LHPP: variants seen among roughly 807,000 people sequenced by gnomAD.
LHPP encodes phospholysine phosphohistidine inorganic pyrophosphate phosphatase, also known as hLHPP.
A neutral mutation model predicts 30.3 loss-of-function variants in LHPP; 24 were observed. The observed-to-expected ratio is 0.79, with a 90% CI of 0.57 to 1.11. The LOEUF (loss-of-function observed/expected upper bound fraction) is 1.11, where lower values mean the gene tolerates loss of function less well. Among genes scored for constraint, LHPP ranks in the 50% most tolerant of loss-of-function variants. The pLI, the probability that LHPP is intolerant of heterozygous loss-of-function variation, is 0.00. For synonymous variants in LHPP, 150 were observed against 157.1 expected, an observed-to-expected ratio of 0.95 and a Z score of 0.34; for missense variants, 356 against 367.2, an observed-to-expected ratio of 0.97 and a Z score of 0.25.
intron 6 of LHPP, among the ~76,000 whole-genome samples, chr10:124,545,811 G>A (rs1278153669): frequency 1.3e-5 from 2 of 152,332 alleles, no homozygotes; most frequent in African/African-American, 4.8e-5. Flanking sequence ...TGTAAAGGCC[G>A]ACGCTGTCAT....
intron 1 of LHPP, among the ~76,000 whole-genome samples, chr10:124,481,656 C>G (rs1028632356): frequency 2.0e-5 from 3 of 152,010 alleles, no homozygotes; most frequent in Non-Finnish European, 4.4e-5. Flanking sequence ...GCTGGGGTTA[C>G]AGGACTGAGC....
chr10:124,554,234 G>A (rs1948246711), intron 6 of LHPP: 4 of 223,950 alleles, frequency 1.8e-5, no homozygotes, highest in South Asian at 1.6e-4. Context: ...CACCTAGGCT[G>A]GAGTGCAGTG....
chr10:124,519,664 C>A lies in LHPP; in HGVS notation c.716+2393C>A, dbSNP rs1197446228. Among the ~76,000 whole-genome samples the A allele has an allele frequency of 2.0e-5, 3 of 152,268 alleles. No homozygotes were observed. In the East Asian group the frequency reaches 5.8e-4, roughly 29 times the overall value. On this transcript the variant is annotated intron_variant, in intron 6 of 6. Transcript: ENST00000368842. ...CCTTTGCGTCCTCATAACTTAGCTC[C>A]CACTTATAAGTGAGAACATACAGTG...
intron 6 of LHPP, among the ~76,000 whole-genome samples, chr10:124,603,592 A>C (rs1949055347): frequency 6.6e-6 from 1 of 152,002 alleles, no homozygotes; most frequent in Non-Finnish European, 1.5e-5. Flanking sequence ...AGTGACTTCA[A>C]AGCCGCCCGA....
chr10:124,555,844 C>G (rs1039405377), intron 6 of LHPP, among the ~76,000 whole-genome samples: 3 of 152,138 alleles, frequency 2.0e-5, no homozygotes, highest in African/African-American at 7.2e-5. Context: ...AGTTCTGCCC[C>G]GAGCTGTTTG....
At chr10:124,467,954 C>T (rs1952607076) in intron 1 of LHPP, among the ~76,000 whole-genome samples, 1 of 152,164 alleles carries the variant, frequency 6.6e-6, no homozygotes, top group Non-Finnish European at 1.5e-5. Context: ...AAGTGATCCA[C>T]TCGCCTGGGC....
intron 6 of LHPP, among the ~76,000 whole-genome samples, chr10:124,545,186 C>A (rs953962776): frequency 2.0e-5 from 3 of 152,224 alleles, no homozygotes; most frequent in Non-Finnish European, 2.9e-5. Context: ...GCGGCTCCCT[C>A]CAGATGGACA....
chr10:124,598,911 C>A (rs1948987166), intron 6 of LHPP, among the ~76,000 whole-genome samples: 1 of 151,716 alleles, frequency 6.6e-6, no homozygotes, highest in Non-Finnish European at 1.5e-5. Context: ...TGATGCAGCA[C>A]CTGCCATCCA....
At chr10:124,513,755 T>A (rs1294571101) in intron 5 of LHPP, among the ~76,000 whole-genome samples, 1 of 151,034 alleles carries the variant, frequency 6.6e-6, no homozygotes, top group South Asian at 2.1e-4. Context: ...CACTCCCAGC[T>A]GTTTTTTCTT....
At chr10:124,543,639 T>A (rs1221576712) in intron 6 of LHPP, among the ~76,000 whole-genome samples, 1 of 152,216 alleles carries the variant, frequency 6.6e-6, no homozygotes, top group Non-Finnish European at 1.5e-5. Flanking sequence ...CTCAGCTGTG[T>A]GGAGGGGTCC....
intron 6 of LHPP, among the ~76,000 whole-genome samples, chr10:124,573,018 G>T (rs2133982764): frequency 6.6e-6 from 1 of 152,360 alleles, no homozygotes; most frequent in African/African-American, 2.4e-5. Context: ...TGCGTGGTGT[G>T]GGTAACGCAG....
chr10:124,536,785 G>A (rs1213450061), intron 6 of LHPP, among the ~76,000 whole-genome samples: 2 of 152,150 alleles, frequency 1.3e-5, no homozygotes, highest in Non-Finnish European at 2.9e-5. Context: ...ATTCCCTGCG[G>A]CAGCTCCAAG....
At chr10:124,499,098 T>C (rs1481632994) in intron 5 of LHPP, among the ~76,000 whole-genome samples, 1 of 151,778 alleles carries the variant, frequency 6.6e-6, no homozygotes, top group African/African-American at 2.4e-5. Flanking sequence ...CAGGCTGGTC[T>C]CAAATTCCTG....
chr10:124,576,920 G>A lies in LHPP; in HGVS notation c.717-36344G>A, dbSNP rs17622597. Among the ~76,000 whole-genome samples, 43,970 of 152,068 alleles carry A rather than the reference G, an allele frequency of 0.29. 6,892 individuals carry two copies. Among genetic ancestry groups the A allele is most frequent in the African/African-American group, 0.42 (17,426 of 41,440 alleles). On this transcript the variant is annotated intron_variant, in intron 6 of 6. Coordinates refer to ENST00000368842, the MANE Select transcript of LHPP (RefSeq NM_022126.4). This position sits in a 1 kb window ranked among gnomAD's most constrained non-coding sequence, Gnocchi z 4.2. The stretch of plus-strand genomic sequence containing the variant: ...TGCCACTGTCAAGGGGACTTGGCCC[G>A]CCATGATCCTGAGTGCACAGGTACA...
At chr10:124,494,191 A>G (rs1953629291) in intron 3 of LHPP, among the ~76,000 whole-genome samples, 1 of 152,172 alleles carries the variant, frequency 6.6e-6, no homozygotes, top group Non-Finnish European at 1.5e-5. Context: ...TTCGCTTTCG[A>G]AGAGGCTGCA....
intron 1 of LHPP, among the ~76,000 whole-genome samples, chr10:124,465,039 G>T (rs749850811): frequency 6.6e-6 from 1 of 152,132 alleles, no homozygotes; most frequent in East Asian, 1.9e-4. Context: ...CGGGTAAAGC[G>T]CATCATCACA....
At chr10:124,529,453 G>A (rs574372800) in intron 6 of LHPP, among the ~76,000 whole-genome samples, 1 of 152,130 alleles carries the variant, frequency 6.6e-6, no homozygotes, top group Non-Finnish European at 1.5e-5. Flanking sequence ...GTGAGTGAAA[G>A]TTGCTGAAAA....
At chr10:124,548,402 C>T (rs184452372) in intron 6 of LHPP, among the ~76,000 whole-genome samples, 1 of 152,170 alleles carries the variant, frequency 6.6e-6, no homozygotes, top group Admixed American at 6.5e-5. Context: ...AGAGGGAGGG[C>T]TCTGTTTACC....
chr10:124,533,408 C>T (rs889890774), intron 6 of LHPP, among the ~76,000 whole-genome samples: 1 of 152,168 alleles, frequency 6.6e-6, no homozygotes. Flanking sequence ...TTTGTGTCCT[C>T]GGATGGGGAG....
Sources: allele counts gnomAD v4.1 joint callset (sites outside exome capture counted in the v4.1 genomes callset), GRCh38; gene constraint gnomAD v4.1.1; non-coding constraint Gnocchi (gnomAD v3.1); transcripts MANE v1.5; gene names NCBI Gene and HGNC (gene_info 2026-07-23, HGNC 2026-07-21).